TXN: variants seen among roughly 807,000 people sequenced by gnomAD.
TXN encodes ADF.
In TXN, 10 loss-of-function variants were observed where a neutral mutation model predicts 16.5. The observed-to-expected ratio is 0.61, with a 90% CI of 0.37 to 1.03. The LOEUF (loss-of-function observed/expected upper bound fraction) is 1.03, where lower values mean the gene tolerates loss of function less well. Ranked by LOEUF, TXN falls within the 50% of genes least tolerant of loss-of-function variation. The pLI, the probability that TXN is intolerant of heterozygous loss-of-function variation, is 0.01. For synonymous variants in TXN, 35 were observed against 39.4 expected, an observed-to-expected ratio of 0.89 and a Z score of 0.42; for missense variants, 71 against 122.5, an observed-to-expected ratio of 0.58 and a Z score of 1.98.
chr9:110,245,618 CTATATATATATATATATATATA>C (rs1170640168), intron 3 of TXN, among the ~76,000 whole-genome samples: 2 of 30,890 alleles, frequency 6.5e-5, no homozygotes, highest in Non-Finnish European at 1.0e-4. Context: ...CACACACACA[CTATATATATATATATATATATA>C]TATATATATA....
rs1416565504 is a variant in TXN, at chr9:110,250,865, C to T, written c.144G>A (p.Lys48=). The part of the protein sequence containing the change: ...IKPFFHSLSE[K]YSNVIFLEVD... The stretch of plus-strand genomic sequence containing the variant: ...CTTCAAGGAATATCACGTTGGAATA[C>T]TTTTCAGAGAGGGACTGGAAAATTT... Residue 48 remains lysine, a synonymous_variant, in exon 3 of 5, where the codon AAG becomes AAA. Transcript: ENST00000374517. 2.5e-6 allele frequency: 4 copies of T among 1,610,336 alleles called. No homozygotes were observed. Among genetic ancestry groups the T allele is most frequent in the Admixed American group, 1.7e-5 (1 of 58,942 alleles).
chr9:110,246,869 G>A (rs1837666259), intron 3 of TXN, among the ~76,000 whole-genome samples: 1 of 152,132 alleles, frequency 6.6e-6, no homozygotes, highest in Non-Finnish European at 1.5e-5. Context: ...GTCAGAGGGA[G>A]GTTACCATTT....
At chr9:110,250,987 A>C (rs1837726176) in intron 2 of TXN, 108 bp from the exon 3 acceptor site, 1 of 801,882 alleles carries the variant, frequency 1.2e-6, no homozygotes, top group Non-Finnish European at 2.0e-6. Context: ...GACTAATTAA[A>C]GATCCAAAAA....
intron 3 of TXN, chr9:110,245,201 TG>T: frequency 5.8e-6 from 1 of 173,448 alleles, no homozygotes; most frequent in South Asian, 1.4e-4. Context: ...CAAAAAATTC[TG>T]CTACAATTGG....
chr9:110,249,763 C>T (rs1180043260), intron 3 of TXN, among the ~76,000 whole-genome samples: 1 of 152,140 alleles, frequency 6.6e-6, no homozygotes, highest in South Asian at 2.1e-4. Flanking sequence ...ACCCTTCACC[C>T]TTTATTGGAT....
At chr9:110,247,822 G>C (rs1272869125) in intron 3 of TXN, among the ~76,000 whole-genome samples, 1 of 151,992 alleles carries the variant, frequency 6.6e-6, no homozygotes, top group Non-Finnish European at 1.5e-5. Flanking sequence ...TATACAACAG[G>C]CTCAGGCAGG....
At chr9:110,255,791 A>G (rs999445332) in intron 1 of TXN, among the ~76,000 whole-genome samples, 16 of 152,100 alleles carry the variant, frequency 1.1e-4, no homozygotes, top group African/African-American at 3.4e-4. Flanking sequence ...AGCACGCGTC[A>G]CCTTTGGGGT....
chr9:110,249,053 G>C (rs919607033), intron 3 of TXN, among the ~76,000 whole-genome samples: 1 of 137,302 alleles, frequency 7.3e-6, no homozygotes, highest in Non-Finnish European at 1.5e-5. Flanking sequence ...CTTAAACCCG[G>C]GAGGCAGAGG....
At chr9:110,251,313 A>C in intron 2 of TXN, 45 bp downstream of exon 2, 1 of 1,488,160 alleles carries the variant, frequency 6.7e-7, no homozygotes. Context: ...CCACCAACTC[A>C]AAAAACACAA....
chr9:110,246,191 G>A (rs2118565428), intron 3 of TXN, among the ~76,000 whole-genome samples: 2 of 152,278 alleles, frequency 1.3e-5, no homozygotes, highest in South Asian at 4.1e-4. Context: ...GGCTTCAGGT[G>A]ACTCTGATGC....
rs201980244 is a variant in TXN at position 110,244,173 on chromosome 9, A to G, written c.302T>C (p.Ile101Thr). 9 of 1,572,438 alleles carry G rather than the reference A, an allele frequency of 5.7e-6. No individual in the cohort carries two copies. The Admixed American group carries it at 1.3e-4, about 22-fold the overall frequency. Residue 101 changes from isoleucine to threonine, a missense_variant, in exon 5 of 5, where the codon ATT (isoleucine) becomes ACT (threonine). Coordinates refer to ENST00000374517, the MANE Select transcript of TXN (RefSeq NM_003329.4). ...GANKEKLEAT[I>T]NELV ...AAAACATGATTAGACTAATTCATTA[A>G]TGGTGGCTTCAAGCTTTTCCTTATT...
At chr9:110,251,791 A>G (rs1460587412) in intron 1 of TXN, among the ~76,000 whole-genome samples, 1 of 152,154 alleles carries the variant, frequency 6.6e-6, no homozygotes, top group African/African-American at 2.4e-5. Context: ...GAAAATAAAA[A>G]TAGACATTTG....
At chr9:110,247,547 A>G (rs1837675267) in intron 3 of TXN, among the ~76,000 whole-genome samples, 1 of 152,234 alleles carries the variant, frequency 6.6e-6, no homozygotes, top group South Asian at 2.1e-4. Context: ...GTCATAGCCC[A>G]TCGCATTAGC....
intron 4 of TXN, 80 bp from the exon 5 acceptor site, chr9:110,244,299 T>TTATATATATACATATACATATG (rs57352917): frequency 0.068 from 24,876 of 367,216 alleles, 2,809 homozygotes; most frequent in East Asian, 0.1. Flanking sequence ...AAATATGTAT[T>TTATATATATACATATACATATG]TATATATATA....
At chr9:110,251,586 CAA>C (rs5899890) in intron 1 of TXN, 124 bp from the exon 2 acceptor site, 5,024 of 56,038 alleles carry the variant, frequency 0.09, 84 homozygotes, top group Middle Eastern at 0.2. Context: ...ACTTTTTAGC[CAA>C]AAAAAAAAAA....
At chr9:110,251,659 A>C (rs1322734437) in intron 1 of TXN, among the ~76,000 whole-genome samples, 197 bp from the exon 2 acceptor site, 1 of 150,494 alleles carries the variant, frequency 6.6e-6, no homozygotes, top group Non-Finnish European at 1.5e-5. Flanking sequence ...AATTCTATAC[A>C]TTGTTGGTAG....
intron 1 of TXN, among the ~76,000 whole-genome samples, chr9:110,255,513 C>T (rs1022199408): frequency 4.6e-5 from 7 of 152,212 alleles, no homozygotes; most frequent in Admixed American, 1.3e-4. Context: ...GGCGCGGCTG[C>T]TCCCAGGAGG....
At chr9:110,249,179 G>A (rs1171529352) in intron 3 of TXN, among the ~76,000 whole-genome samples, 7 of 139,274 alleles carry the variant, frequency 5.0e-5, no homozygotes, top group Non-Finnish European at 1.1e-4. Flanking sequence ...TATCTGATAG[G>A]ATCAGTGGCA....
intron 3 of TXN, among the ~76,000 whole-genome samples, chr9:110,247,431 T>A (rs1488549435): frequency 6.6e-6 from 1 of 152,052 alleles, no homozygotes; most frequent in African/African-American, 2.4e-5. Context: ...ACACCTATAG[T>A]AATGCACCAT....
Sources: allele counts gnomAD v4.1 joint callset (sites outside exome capture counted in the v4.1 genomes callset), GRCh38; gene constraint gnomAD v4.1.1; transcripts MANE v1.5; gene names NCBI Gene and HGNC (gene_info 2026-07-23, HGNC 2026-07-21).